Variants in PXK observed in about 807,000 individuals in gnomAD.
The protein encoded by PXK is PX domain-containing protein kinase-like protein.
In PXK, 35 loss-of-function variants were observed where a neutral mutation model predicts 84.7. The observed-to-expected ratio is 0.41, with a 90% confidence interval of 0.32 to 0.55. The LOEUF (loss-of-function observed/expected upper bound fraction) is 0.55, where lower values mean the gene tolerates loss of function less well. PXK is among the 20% of genes least tolerant of loss of function. The pLI is 0.21. For missense variants in PXK, 634 were observed against 699.7 expected (o/e 0.91, Z 1.06); for synonymous variants, 253 against 260.8 (o/e 0.97, Z 0.29).
At chr3:58,353,130 G>A (rs2097972623) in intron 1 of PXK, among the ~76,000 whole-genome samples, 1 of 151,942 alleles carries the variant, frequency 6.6e-6, no homozygotes, top group Admixed American at 6.6e-5. Context: ...CCGAATAGCT[G>A]GGACTACAGG....
chr3:58,408,878 T>G (rs751678018), intron 13 of PXK, 46 bp from the exon 14 acceptor site: 1 of 1,423,502 alleles, frequency 7.0e-7, no homozygotes, highest in South Asian at 1.2e-5. Flanking sequence ...TGGAAGTATC[T>G]CCAGCCACCT....
At chr3:58,360,892 T>G (rs1450693851) in intron 1 of PXK, among the ~76,000 whole-genome samples, 1 of 152,070 alleles carries the variant, frequency 6.6e-6, no homozygotes, top group Non-Finnish European at 1.5e-5. Context: ...TAACATTCTT[T>G]ATGATTTAAT....
rs1332488175 is a variant in PXK at position 58,411,468 on chromosome 3, T to G, written c.1465+1309T>G. Among the ~76,000 whole-genome samples the G allele has an allele frequency of 6.6e-6, 1 of 152,194 alleles. No individual in the cohort carries two copies. Among genetic ancestry groups the G allele is most frequent in the Non-Finnish European group, 1.5e-5 (1 of 68,018 alleles). On this transcript the variant is annotated intron_variant, in intron 16 of 17. Coordinates refer to ENST00000356151, the MANE Select transcript of PXK (RefSeq NM_017771.5). This position sits in a 1 kb window ranked among gnomAD's most constrained non-coding sequence, Gnocchi z 4.2. ...GTTGTGGCTGGTGGGTAGTTTCAGTTGGAAGCCTATCTTCGCCATGGTTGA... is the reference window on the plus strand; with the variant it reads ...GTTGTGGCTGGTGGGTAGTTTCAGTGGGAAGCCTATCTTCGCCATGGTTGA...
At chr3:58,380,585 C>T (rs543742587) in intron 3 of PXK, among the ~76,000 whole-genome samples, 6 of 151,790 alleles carry the variant, frequency 4.0e-5, no homozygotes, top group Admixed American at 1.3e-4. Flanking sequence ...CCAAGGCAGG[C>T]AGATCACTTG....
At chr3:58,338,830 C>T (rs2097673418) in intron 1 of PXK, among the ~76,000 whole-genome samples, 1 of 151,702 alleles carries the variant, frequency 6.6e-6, no homozygotes, top group Non-Finnish European at 1.5e-5. Context: ...TTACAGACGC[C>T]CACCACCACA....
rs1043050686 is a variant in PXK at position 58,412,093 on chromosome 3, A to G, written c.1466-808A>G. ...GGTGTGTGTGCCCATCAGCCCAGAA[A>G]GCACCTGACTAGGGAGATTTGGTTA... On this transcript the variant is annotated intron_variant, in intron 16 of 17. Transcript: ENST00000356151. The surrounding 1 kb of genome is among the most constrained non-coding windows in gnomAD (Gnocchi z 6.2). Among the ~76,000 whole-genome samples the G allele has an allele frequency of 2.0e-5, 3 of 152,108 alleles. No individual in the cohort carries two copies. Among genetic ancestry groups the G allele is most frequent in the Admixed American group, 2.0e-4 (3 of 15,268 alleles).
chr3:58,396,376 A>G (rs975958369), intron 9 of PXK, among the ~76,000 whole-genome samples: 1 of 152,228 alleles, frequency 6.6e-6, no homozygotes, highest in African/African-American at 2.4e-5. Flanking sequence ...AACAACAACT[A>G]TGAAGAGAAG....
At chr3:58,335,600 C>T (rs1252186886) in intron 1 of PXK, among the ~76,000 whole-genome samples, 1 of 139,518 alleles carries the variant, frequency 7.2e-6, no homozygotes, top group African/African-American at 3.4e-5. Flanking sequence ...AGATGGTGTT[C>T]CAGAAGTCAG....
chr3:58,420,451 G>A, intron 17 of PXK: 1 of 1,464,602 alleles, frequency 6.8e-7, no homozygotes, highest in Non-Finnish European at 9.2e-7. Flanking sequence ...ATATTTTACT[G>A]TCTGTTACTA....
chr3:58,378,508 T>TGTGTGTGTGTG (rs1478546551), intron 3 of PXK, among the ~76,000 whole-genome samples: 16 of 28,526 alleles, frequency 5.6e-4, no homozygotes, highest in African/African-American at 1.4e-3. Context: ...TTTTTTTTTT[T>TGTGTGTGTGTG]TTTTTGTGTG....
In PXK at chr3:58,397,256, A is replaced by G. The variant is rs2057829317; in HGVS notation, c.984+56A>G. ...TCATTTTTAGGTGTCAGTTATCCCCATGATCTGCCCATGTAGGAAATATGC... is the reference window on the plus strand; with the variant it reads ...TCATTTTTAGGTGTCAGTTATCCCCGTGATCTGCCCATGTAGGAAATATGC... On this transcript the variant is annotated intron_variant, in intron 10 of 17. Transcript: ENST00000356151. The surrounding 1 kb of genome is among the most constrained non-coding windows in gnomAD (Gnocchi z 4.7). 1 of 1,563,418 alleles carries G rather than the reference A, an allele frequency of 6.4e-7. No individual in the cohort carries two copies. Among genetic ancestry groups the G allele is most frequent in the Non-Finnish European group, 8.8e-7 (1 of 1,138,396 alleles).
chr3:58,409,134 A>C lies in PXK; in HGVS notation c.1308+133A>C, dbSNP rs992490561. 1.3e-5 allele frequency: 9 copies of C among 685,868 alleles called. No individual in the cohort carries two copies. The South Asian group carries it at 1.7e-4, about 13-fold the overall frequency. 42.5% of individuals were successfully genotyped at this position (685,868 alleles called of 1,614,324 possible). ...TTACTCTCAGCCAGCCTTTAGGCTA[A>C]ATGCTTCCCTGCAGAGCTGAATACT... On this transcript the variant is annotated intron_variant, in intron 14 of 17. Transcript: ENST00000356151. This position sits in a 1 kb window ranked among gnomAD's most constrained non-coding sequence, Gnocchi z 4.2.
intron 3 of PXK, among the ~76,000 whole-genome samples, chr3:58,378,508 TTTTTTGTG>T (rs1559986714): frequency 7.0e-5 from 2 of 28,532 alleles, no homozygotes; most frequent in Non-Finnish European, 1.9e-4. Flanking sequence ...TTTTTTTTTT[TTTTTTGTG>T]TGTGTGTGTG....
At position 58,424,886 on chromosome 3, in the gene PXK, T is replaced by A; in HGVS notation, c.1663T>A (p.Ser555Thr). The change falls in exon 18 of 18, where the codon TCC becomes ACC. Residue 555 changes from serine (S) to threonine (T), a missense_variant. By Grantham distance (58) the Ser-to-Thr change is moderately conservative (BLOSUM62 1). Around this residue, in one of 3 missense-constraint regions of PXK, gnomAD observed 273 missense variants for 283.6 expected, o/e 0.96. Coordinates refer to ENST00000356151, the MANE Select transcript of PXK (RefSeq NM_017771.5). Reference sequence around the variant, plus strand: ...CATGAGCCGAGGGGCCTTGCTCAGCTCCATCCAGAATTTCCAAAAAGGAAC... The same window carrying A: ...CATGAGCCGAGGGGCCTTGCTCAGCACCATCCAGAATTTCCAAAAAGGAAC... Reference protein sequence around the residue: ...NGMSRGALLSSIQNFQKGTLR... With the variant: ...NGMSRGALLSTIQNFQKGTLR... The A allele has an allele frequency of 1.2e-6, 2 of 1,614,196 alleles. No homozygotes were observed. Among genetic ancestry groups the A allele is most frequent in the Non-Finnish European group, 1.7e-6 (2 of 1,180,036 alleles).
intron 1 of PXK, among the ~76,000 whole-genome samples, chr3:58,336,055 ATATATATATATATATATTTTTT>A (rs556269565): frequency 0.048 from 2,793 of 58,454 alleles, 116 homozygotes; most frequent in South Asian, 0.068. Flanking sequence ...ATATATATAT[ATATATATATATATATATTTTTT>A]TTTTTTTTTT....
intron 1 of PXK, among the ~76,000 whole-genome samples, chr3:58,352,093 CTG>C (rs1471358539): frequency 6.6e-6 from 1 of 152,228 alleles, no homozygotes; most frequent in Non-Finnish European, 1.5e-5. Flanking sequence ...TTCCAGATCT[CTG>C]TGACTGGAAA....
chr3:58,420,197 A>G (rs1319347632), intron 17 of PXK, among the ~76,000 whole-genome samples: 1 of 152,194 alleles, frequency 6.6e-6, no homozygotes, highest in African/African-American at 2.4e-5. Flanking sequence ...TAAAACCTTC[A>G]TGGCTTTTCT....
At chr3:58,384,734 G>A (rs2098537066) in intron 4 of PXK, among the ~76,000 whole-genome samples, 1 of 152,182 alleles carries the variant, frequency 6.6e-6, no homozygotes, top group South Asian at 2.1e-4. Context: ...CTGAGGGCAA[G>A]CATCAAGGTG....
chr3:58,419,910 TAAG>T (rs2061561302), intron 17 of PXK, among the ~76,000 whole-genome samples: 2 of 76,502 alleles, frequency 2.6e-5, no homozygotes, highest in Non-Finnish European at 7.4e-5. Context: ...TTTATGGCCT[TAAG>T]TAAGTTTCAC....
Sources: allele counts gnomAD v4.1 joint callset (sites outside exome capture counted in the v4.1 genomes callset), GRCh38; gene constraint gnomAD v4.1.1; regional missense constraint gnomAD v4.1.1; non-coding constraint Gnocchi (gnomAD v3.1); transcripts MANE v1.5; gene names NCBI Gene and HGNC (gene_info 2026-07-23, HGNC 2026-07-21).